MNAT1: variants seen among roughly 807,000 people sequenced by gnomAD.
MNAT1 encodes CDK-activating kinase assembly factor MAT1.
In MNAT1, 43 loss-of-function variants were observed where a neutral mutation model predicts 42.0. The observed-to-expected ratio is 1.02, with a 90% CI of 0.80 to 1.32. The LOEUF is 1.32. Among genes scored for constraint, MNAT1 ranks in the 40% most tolerant of loss-of-function variants. MNAT1 has a pLI of 0.00. For missense variants in MNAT1, 306 were observed against 350.4 expected, an observed-to-expected ratio of 0.87 and a Z score of 1.01; for synonymous variants, 118 against 120.0, an observed-to-expected ratio of 0.98 and a Z score of 0.11.
chr14:60,796,190 T>C (rs2032012994), intron 1 of MNAT1, 27 bp from the exon 2 acceptor site: 3 of 1,594,566 alleles, frequency 1.9e-6, no homozygotes, highest in Non-Finnish European at 1.7e-6. Flanking sequence ...TTGGCTTAAA[T>C]GTTATGTTTT....
chr14:60,773,338 G>A (rs957592775), intron 1 of MNAT1, among the ~76,000 whole-genome samples: 6 of 152,114 alleles, frequency 3.9e-5, no homozygotes, highest in Non-Finnish European at 5.9e-5. Flanking sequence ...TTTTACTAAG[G>A]TGTTACATTC....
At chr14:60,842,415 G>A (rs555555217) in intron 6 of MNAT1, among the ~76,000 whole-genome samples, 140 of 152,170 alleles carry the variant, frequency 9.2e-4, no homozygotes, top group African/African-American at 2.9e-3. Flanking sequence ...ATGTATTATA[G>A]CCTGGAAATG....
chr14:60,860,334 G>T (rs1566799122), intron 6 of MNAT1, among the ~76,000 whole-genome samples: 1 of 145,440 alleles, frequency 6.9e-6, no homozygotes, highest in Non-Finnish European at 1.5e-5. Flanking sequence ...GTAAAACTGA[G>T]ACTTTTTTCT....
In MNAT1 at chr14:60,740,026, G is replaced by C. The variant is rs989764676; in HGVS notation, c.89+5075G>C. On this transcript the variant is annotated intron_variant, in intron 1 of 7. Coordinates refer to ENST00000261245, the MANE Select transcript of MNAT1 (RefSeq NM_002431.4). This position sits in a 1 kb window ranked among gnomAD's most constrained non-coding sequence, Gnocchi z 4.1. ...ATAATTAGCTGGGTGTGGTGGCATG[G>C]GCATGTAATCCCAGGTACTTGGGGA... Among the ~76,000 whole-genome samples the C allele has an allele frequency of 3.3e-5, 5 of 152,038 alleles. No homozygotes were observed. The highest frequency in any genetic ancestry group is 2.6e-4 in the Admixed American group (4 of 15,252).
intron 1 of MNAT1, among the ~76,000 whole-genome samples, chr14:60,768,990 G>A (rs933453201): frequency 6.6e-6 from 1 of 152,138 alleles, no homozygotes; most frequent in African/African-American, 2.4e-5. Flanking sequence ...TACAAAAAGT[G>A]TATATATAAT....
chr14:60,746,223 A>G (rs1160839565), intron 1 of MNAT1, among the ~76,000 whole-genome samples: 2 of 152,208 alleles, frequency 1.3e-5, no homozygotes, highest in African/African-American at 2.4e-5. Context: ...ATAGTTAATT[A>G]GAAAATTATT....
intron 7 of MNAT1, among the ~76,000 whole-genome samples, chr14:60,939,904 A>T (rs2036103360): frequency 6.6e-6 from 1 of 152,036 alleles, no homozygotes; most frequent in Admixed American, 6.5e-5. Flanking sequence ...TGCTTTATGA[A>T]TCTGGGTGCT....
At chr14:60,743,112 A>T (rs1594715288) in intron 1 of MNAT1, among the ~76,000 whole-genome samples, 1 of 152,274 alleles carries the variant, frequency 6.6e-6, no homozygotes, top group East Asian at 1.9e-4. Context: ...TAGTCTCTCT[A>T]TGTAGTTGCC....
chr14:60,823,710 T>C (rs1464002579), intron 6 of MNAT1, among the ~76,000 whole-genome samples: 3 of 151,756 alleles, frequency 2.0e-5, no homozygotes, highest in Non-Finnish European at 4.4e-5. Flanking sequence ...AATACAAACA[T>C]TAGCCAGGCT....
chr14:60,774,068 T>TA (rs1248872026), intron 1 of MNAT1, among the ~76,000 whole-genome samples: 7 of 152,192 alleles, frequency 4.6e-5, no homozygotes, highest in Non-Finnish European at 1.0e-4. Context: ...GATTGGATGG[T>TA]AAAAAAGTCC....
At chr14:60,806,787 T>C (rs904524082) in intron 3 of MNAT1, among the ~76,000 whole-genome samples, 5 of 152,158 alleles carry the variant, frequency 3.3e-5, no homozygotes, top group Non-Finnish European at 7.4e-5. Flanking sequence ...ATCATTGGAT[T>C]TGGTTGCTTA....
At chr14:60,962,112 T>G (rs1033018991) in intron 7 of MNAT1, among the ~76,000 whole-genome samples, 5 of 152,210 alleles carry the variant, frequency 3.3e-5, no homozygotes, top group Non-Finnish European at 5.9e-5. Context: ...CAGTCATTAT[T>G]CTGAATAAAT....
chr14:60,948,811 A>C (rs1170131258), intron 7 of MNAT1, among the ~76,000 whole-genome samples: 1 of 152,228 alleles, frequency 6.6e-6, no homozygotes, highest in Non-Finnish European at 1.5e-5. Flanking sequence ...CAAGAAAATT[A>C]ATTTTTTAGC....
intron 4 of MNAT1, among the ~76,000 whole-genome samples, chr14:60,811,298 C>CTTTTTTTTTTTTTTT (rs569520885): frequency 1.2e-5 from 1 of 80,310 alleles, no homozygotes; most frequent in Non-Finnish European, 2.5e-5. Context: ...TCTATTCTTT[C>CTTTTTTTTTTTTTTT]TTTTTTTTTT....
At chr14:60,786,500 A>T (rs1238776186) in intron 1 of MNAT1, among the ~76,000 whole-genome samples, 3 of 152,156 alleles carry the variant, frequency 2.0e-5, no homozygotes, top group African/African-American at 7.2e-5. Context: ...GACCCTCAAG[A>T]CCTCTTATTT....
intron 6 of MNAT1, among the ~76,000 whole-genome samples, chr14:60,862,911 G>T (rs960442826): frequency 3.9e-5 from 6 of 152,072 alleles, no homozygotes; most frequent in African/African-American, 1.4e-4. Flanking sequence ...GGATATGATG[G>T]TGGTAGAACA....
chr14:60,858,463 T>C (rs2034016520), intron 6 of MNAT1, among the ~76,000 whole-genome samples: 1 of 152,110 alleles, frequency 6.6e-6, no homozygotes, highest in Admixed American at 6.5e-5. Flanking sequence ...TTGTAGATTC[T>C]GGATATTAGC....
intron 6 of MNAT1, among the ~76,000 whole-genome samples, chr14:60,825,689 A>G (rs918780127): frequency 2.0e-5 from 3 of 152,184 alleles, no homozygotes; most frequent in African/African-American, 7.2e-5. Flanking sequence ...GCTGAAACTC[A>G]TTCTCTTTCT....
intron 6 of MNAT1, among the ~76,000 whole-genome samples, chr14:60,842,202 T>C (rs2033570464): frequency 6.6e-6 from 1 of 152,250 alleles, no homozygotes. Flanking sequence ...TGGATAGTTA[T>C]GATGCAGATC....
Sources: gnomAD v4.1 joint callset for allele counts (sites outside exome capture counted in the v4.1 genomes callset) on GRCh38, gnomAD v4.1.1 for gene constraint, Gnocchi (gnomAD v3.1) non-coding constraint, MANE v1.5 for transcripts, NCBI Gene and HGNC (gene_info 2026-07-23, HGNC 2026-07-21) for gene names.